Variants in AGPAT5 observed in about 807,000 individuals in gnomAD.
AGPAT5 encodes the protein 1-acylglycerol-3-phosphate O-acyltransferase 5, also known as 1-acyl-sn-glycerol-3-phosphate acyltransferase epsilon.
A neutral mutation model predicts 45.6 loss-of-function variants in AGPAT5; 46 were observed. That is an observed-to-expected ratio of 1.01 (90% CI 0.80 to 1.29). The LOEUF (loss-of-function observed/expected upper bound fraction) is 1.29, where lower values mean the gene tolerates loss of function less well. Ranked by LOEUF, AGPAT5 falls within the 50% of genes most tolerant of loss-of-function variation. AGPAT5 has a pLI of 0.00. For missense variants in AGPAT5, 673 were observed against 450.7 expected, an observed-to-expected ratio of 1.49 and a Z score of -4.47; for synonymous variants, 272 against 167.0, an observed-to-expected ratio of 1.63 and a Z score of -4.85.
intron 1 of AGPAT5, among the ~76,000 whole-genome samples, chr8:6,721,451 G>A (rs1800494174): frequency 6.6e-6 from 1 of 152,154 alleles, no homozygotes; most frequent in African/African-American, 2.4e-5. Context: ...AATAATGACA[G>A]GTTAACCTAT....
chr8:6,709,820 G>A (rs1172754669), intron 1 of AGPAT5, among the ~76,000 whole-genome samples: 2 of 152,046 alleles, frequency 1.3e-5, no homozygotes, highest in Admixed American at 6.5e-5. Context: ...GATGGCCCCA[G>A]TTGGAAGTTG....
Position 6,755,305 on chromosome 8 carries a change from A to G in AGPAT5, c.869+131A>G, listed in dbSNP as rs1801798339. ...ATTTTATAAATTCAAATCAAATTTT[A>G]TGCATGTCTGATCGTGTTTTAAACT... On this transcript the variant is annotated intron_variant, in intron 7 of 7. Transcript: ENST00000285518. 7 of 1,025,954 alleles carry G rather than the reference A, an allele frequency of 6.8e-6. No homozygotes were observed. In the Admixed American group the frequency reaches 1.7e-4, roughly 25 times the overall value. The allele number at this position is 1,025,954 out of a possible 1,614,324, so 63.6% of individuals were successfully genotyped here. A position where few individuals can be genotyped will look rare whatever the true frequency, so the allele number is the denominator to read the frequency against.
chr8:6,716,768 G>T (rs1209812789), intron 1 of AGPAT5, among the ~76,000 whole-genome samples: 1 of 152,160 alleles, frequency 6.6e-6, no homozygotes, highest in East Asian at 1.9e-4. Context: ...AGGAGACAGA[G>T]GTTGTGGTAA....
intron 6 of AGPAT5, 121 bp from the exon 7 acceptor site, chr8:6,754,930 A>G (rs957003794): frequency 2.6e-6 from 2 of 770,922 alleles, no homozygotes; most frequent in Non-Finnish European, 3.9e-6. Flanking sequence ...TTCCTAAGGA[A>G]TCTGTACTTT....
intron 7 of AGPAT5, among the ~76,000 whole-genome samples, chr8:6,755,519 G>A (rs1559747): frequency 2.0e-5 from 3 of 152,212 alleles, no homozygotes; most frequent in Non-Finnish European, 4.4e-5. Flanking sequence ...TGGTGTTACT[G>A]TGTGAGGTCT....
At chr8:6,744,311 A>G (rs947788811) in intron 5 of AGPAT5, among the ~76,000 whole-genome samples, 18 of 152,230 alleles carry the variant, frequency 1.2e-4, no homozygotes, top group Admixed American at 1.1e-3. Flanking sequence ...ATAGCAAACA[A>G]GAAAGCTAGT....
At position 6,757,197 on chromosome 8, in the gene AGPAT5, G is replaced by C. The variant is rs753751503; in HGVS notation, c.904G>C (p.Glu302Gln). ...LIEFYESPDP[E>Q]RRKRFPGKSV... ...AGAATTTTATGAGTCACCAGATCCA[G>C]AAAGAAGAAAAAGATTTCCTGGGAA... The change falls in exon 8 of 8, where the codon GAA becomes CAA. Residue 302 changes from glutamate to glutamine, a missense_variant. Coordinates refer to ENST00000285518, the MANE Select transcript of AGPAT5 (RefSeq NM_018361.5). 6.2e-7 allele frequency: 1 copy of C among 1,614,020 alleles called. No homozygotes were observed. The highest frequency in any genetic ancestry group is 8.5e-7 in the Non-Finnish European group (1 of 1,180,000).
intron 1 of AGPAT5, among the ~76,000 whole-genome samples, chr8:6,719,507 C>A (rs1800432402): frequency 6.6e-6 from 1 of 152,192 alleles, no homozygotes; most frequent in Non-Finnish European, 1.5e-5. Flanking sequence ...AAGAGGGAAC[C>A]TGATTATGAC....
At chr8:6,713,061 T>G (rs945310425) in intron 1 of AGPAT5, among the ~76,000 whole-genome samples, 1 of 152,244 alleles carries the variant, frequency 6.6e-6, no homozygotes, top group African/African-American at 2.4e-5. Flanking sequence ...GGCACCATCA[T>G]TGCTCATTGC....
chr8:6,734,468 C>T (rs912727095), intron 4 of AGPAT5, among the ~76,000 whole-genome samples: 6 of 152,100 alleles, frequency 3.9e-5, no homozygotes, highest in African/African-American at 1.2e-4. Context: ...TAGTTTCCAT[C>T]TCTGTGCTAG....
chr8:6,738,987 T>A (rs1421115733), intron 4 of AGPAT5, among the ~76,000 whole-genome samples: 3 of 152,140 alleles, frequency 2.0e-5, no homozygotes, highest in Admixed American at 6.5e-5. Context: ...TTATAATTAA[T>A]GTTTTCATAT....
At chr8:6,746,812 A>G (rs1179983246) in intron 5 of AGPAT5, among the ~76,000 whole-genome samples, 1 of 152,220 alleles carries the variant, frequency 6.6e-6, no homozygotes, top group African/African-American at 2.4e-5. Context: ...GTCTATTTTC[A>G]TGTCACTTAT....
chr8:6,747,556 T>C (rs868557248), intron 5 of AGPAT5, 114 bp from the exon 6 acceptor site: 3 of 1,002,574 alleles, frequency 3.0e-6, no homozygotes, highest in Non-Finnish European at 4.3e-6. Flanking sequence ...GGTTGTGGAA[T>C]TAATAGATTC....
At chr8:6,709,686 G>C (rs1800080379) in intron 1 of AGPAT5, 1 of 152,126 alleles carries the variant, frequency 6.6e-6, no homozygotes, top group Non-Finnish European at 1.5e-5. Flanking sequence ...GGGTGGCATG[G>C]GGAAATGGGA....
At chr8:6,746,881 G>T (rs1193066972) in intron 5 of AGPAT5, among the ~76,000 whole-genome samples, 2 of 152,188 alleles carry the variant, frequency 1.3e-5, no homozygotes, top group African/African-American at 2.4e-5. Flanking sequence ...GAAAAGGGAG[G>T]TAATAGGAAG....
At chr8:6,747,108 T>G (rs1025848140) in intron 5 of AGPAT5, among the ~76,000 whole-genome samples, 3 of 152,240 alleles carry the variant, frequency 2.0e-5, no homozygotes, top group African/African-American at 7.2e-5. Context: ...ATAGCCAAAG[T>G]ATGGATGCAA....
At chr8:6,752,388 G>A (rs1433032189) in intron 6 of AGPAT5, among the ~76,000 whole-genome samples, 1 of 152,116 alleles carries the variant, frequency 6.6e-6, no homozygotes, top group Admixed American at 6.5e-5. Flanking sequence ...TTCTGTGTGT[G>A]TCTATATCTC....
rs1447243212 is a variant in AGPAT5 at position 6,759,538 on chromosome 8, T to A, written c.*2150T>A. ...TTTAAACTTTTGTTTGTATTATTAC[T>A]GATTTACAGCTTAGTTATTAATTTT... On this transcript the variant is annotated 3_prime_UTR_variant, in exon 8 of 8. Coordinates refer to ENST00000285518, the MANE Select transcript of AGPAT5 (RefSeq NM_018361.5). 6.6e-6 allele frequency: 1 copy of A among 152,242 alleles called. No homozygotes were observed. Among genetic ancestry groups the A allele is most frequent in the Non-Finnish European group, 1.5e-5 (1 of 68,048 alleles). The allele number at this position is 152,242 out of a possible 1,614,324, so 9.4% of individuals were successfully genotyped here. A position where few individuals can be genotyped will look rare whatever the true frequency, so the allele number is the denominator to read the frequency against.
At chr8:6,753,861 C>T (rs1801737826) in intron 6 of AGPAT5, among the ~76,000 whole-genome samples, 1 of 152,108 alleles carries the variant, frequency 6.6e-6, no homozygotes, top group Admixed American at 6.5e-5. Flanking sequence ...TATTTTTGAT[C>T]ACCTAAATGC....
Sources: gnomAD v4.1 joint callset for allele counts (sites outside exome capture counted in the v4.1 genomes callset) on GRCh38, gnomAD v4.1.1 for gene constraint, MANE v1.5 for transcripts, NCBI Gene and HGNC (gene_info 2026-07-23, HGNC 2026-07-21) for gene names.